Variants in ESYT2 observed in about 807,000 individuals in gnomAD.
ESYT2 encodes extended synaptotagmin 2.
A neutral mutation model predicts 107.2 loss-of-function variants in ESYT2; 54 were observed. That is an observed-to-expected ratio of 0.50 (90% CI 0.40 to 0.63). The LOEUF is 0.63. Ranked by LOEUF, ESYT2 falls within the 30% of genes least tolerant of loss-of-function variation. ESYT2 has a pLI of 0.00. For missense variants in ESYT2, 1,020 were observed against 1,094.5 expected (o/e 0.93, Z 0.96); for synonymous variants, 491 against 434.1 (o/e 1.13, Z -1.63).
At chr7:158,778,210 T>C (rs1007818751) in intron 6 of ESYT2, among the ~76,000 whole-genome samples, 1 of 152,196 alleles carries the variant, frequency 6.6e-6, no homozygotes. Flanking sequence ...TTTTTCAATG[T>C]CATTATCTTT....
At position 158,732,391 on chromosome 7, in the gene ESYT2, G is replaced by C. The variant is rs747530930; in HGVS notation, c.*1816C>G. 5.3e-5 allele frequency: 8 copies of C among 152,216 alleles called. No individual in the cohort carries two copies. The highest frequency in any genetic ancestry group is 1.0e-4 in the Non-Finnish European group (7 of 68,046). 9.4% of individuals were successfully genotyped at this position (152,216 alleles called of 1,614,324 possible). A position where few individuals can be genotyped will look rare whatever the true frequency, so the allele number is the denominator to read the frequency against. ...GTTCGTATTTGTCTATAAAGGTATT[G>C]ATACGCTTCCCAAATAATCCTATAT... On this transcript the variant is annotated 3_prime_UTR_variant, in exon 23 of 23. Coordinates refer to ENST00000275418, the MANE Select transcript of ESYT2 (RefSeq NM_001367773.1).
At position 158,731,584 on chromosome 7, in the gene ESYT2, G is replaced by C. The variant is rs1165690265; in HGVS notation, c.*2623C>G. The C allele has an allele frequency of 6.5e-6, 1 of 152,738 alleles. No homozygotes were observed. Among genetic ancestry groups the C allele is most frequent in the Non-Finnish European group, 1.5e-5 (1 of 68,140 alleles). 9.5% of individuals were successfully genotyped at this position (152,738 alleles called of 1,614,324 possible). A position where few individuals can be genotyped will look rare whatever the true frequency, so the allele number is the denominator to read the frequency against. On this transcript the variant is annotated 3_prime_UTR_variant, in exon 23 of 23. Transcript: ENST00000275418. ...GGCCTCCCAAAGTGCTGGGATTACA[G>C]GCGTGAGCCACCGCACCCGGCCAGC...
intron 6 of ESYT2, among the ~76,000 whole-genome samples, chr7:158,781,707 G>C (rs1402708389): frequency 6.6e-6 from 1 of 151,736 alleles, no homozygotes; most frequent in African/African-American, 2.4e-5. Flanking sequence ...AGAGGTGGGA[G>C]TGTAAGAACG....
At chr7:158,740,878 T>C (rs1342695829) in intron 18 of ESYT2, among the ~76,000 whole-genome samples, 1 of 152,188 alleles carries the variant, frequency 6.6e-6, no homozygotes, top group Non-Finnish European at 1.5e-5. Flanking sequence ...TTTCTTATTA[T>C]TCAACACACC....
chr7:158,765,146 A>C (rs554907046), intron 8 of ESYT2, among the ~76,000 whole-genome samples: 85 of 152,174 alleles, frequency 5.6e-4, no homozygotes, highest in African/African-American at 2.0e-3. Flanking sequence ...GAGGACAGAC[A>C]GCCCCACGCA....
chr7:158,748,173 T>TA (rs779029321), intron 16 of ESYT2, 21 bp downstream of exon 16: 2 of 1,610,138 alleles, frequency 1.2e-6, no homozygotes, highest in Non-Finnish European at 1.7e-6. Context: ...ATAAATTGGT[T>TA]AAAAAATGCA....
intron 20 of ESYT2, 44 bp from the exon 21 acceptor site, chr7:158,735,652 G>A (rs1031749584): frequency 2.0e-6 from 3 of 1,520,866 alleles, no homozygotes; most frequent in Non-Finnish European, 2.7e-6. Context: ...TCATTCTGCT[G>A]TATTTTCTTA....
intron 13 of ESYT2, among the ~76,000 whole-genome samples, chr7:158,755,101 G>A (rs924397021): frequency 3.9e-5 from 6 of 152,162 alleles, no homozygotes; most frequent in African/African-American, 1.4e-4. Context: ...TCCAGCCTAC[G>A]AAAAATTCCT....
At chr7:158,748,124 TCAG>T in intron 16 of ESYT2, 67 bp downstream of exon 16, 1 of 1,447,604 alleles carries the variant, frequency 6.9e-7, no homozygotes, top group South Asian at 1.2e-5. Context: ...GGGTCACAAC[TCAG>T]CAAATTGTAT....
intron 4 of ESYT2, among the ~76,000 whole-genome samples, chr7:158,789,179 A>G (rs895892847): frequency 6.6e-6 from 1 of 152,188 alleles, no homozygotes; most frequent in African/African-American, 2.4e-5. Context: ...TAAGCAAAAT[A>G]GTAACAAAAG....
At chr7:158,747,797 T>C (rs1389461445) in intron 16 of ESYT2, among the ~76,000 whole-genome samples, 1 of 152,154 alleles carries the variant, frequency 6.6e-6, no homozygotes, top group Non-Finnish European at 1.5e-5. Context: ...AACCCAATCT[T>C]TTATCAATGT....
intron 13 of ESYT2, among the ~76,000 whole-genome samples, chr7:158,758,066 G>A (rs1837829364): frequency 7.8e-6 from 1 of 127,454 alleles, no homozygotes; most frequent in African/African-American, 3.1e-5. Context: ...CTTTAGACTG[G>A]AAGACTGATC....
At chr7:158,767,585 T>C (rs931797945) in intron 8 of ESYT2, 69 bp downstream of exon 8, 93 of 1,565,738 alleles carry the variant, frequency 5.9e-5, no homozygotes, top group Non-Finnish European at 8.0e-5. Flanking sequence ...CAGCACCCAA[T>C]GCCACACCCG....
chr7:158,797,896 A>G (rs1377992389), intron 3 of ESYT2, 46 bp downstream of exon 3: 1 of 1,575,004 alleles, frequency 6.3e-7, no homozygotes, highest in African/African-American at 1.4e-5. Context: ...GTGTTTTCAC[A>G]GCAATCTGAC....
Position 158,829,110 on chromosome 7 carries a change from G to A in ESYT2, c.309C>T (p.Arg103=). ...DEERVVRLGV[R]ACDLPAWVHF... ...TCACCCAGGCGGGCAGGTCGCAGGC[G>A]CGCACCCCCAGGCGCACGACGCGCT... Residue 103 remains arginine, a synonymous_variant, in exon 1 of 23, where the codon CGC becomes CGT. Transcript: ENST00000275418. 6.3e-7 allele frequency: 1 copy of A among 1,581,302 alleles called. No homozygotes were observed. The highest frequency in any genetic ancestry group is 8.5e-7 in the Non-Finnish European group (1 of 1,172,744).
chr7:158,802,686 A>G (rs759850805), intron 1 of ESYT2, among the ~76,000 whole-genome samples: 1 of 152,264 alleles, frequency 6.6e-6, no homozygotes, highest in Non-Finnish European at 1.5e-5. Context: ...TGAAACATGC[A>G]GTATCAATTC....
chr7:158,798,159 CA>C, intron 2 of ESYT2, 83 bp from the exon 3 acceptor site: 1 of 1,419,104 alleles, frequency 7.0e-7, no homozygotes, highest in East Asian at 2.3e-5. Context: ...ACCCTCGCAA[CA>C]GACCAAACCT....
intron 6 of ESYT2, among the ~76,000 whole-genome samples, chr7:158,785,426 A>T (rs531157052): frequency 6.9e-6 from 1 of 143,956 alleles, no homozygotes; most frequent in African/African-American, 2.6e-5. Flanking sequence ...ACTCCGTCTC[A>T]AAATAAATAA....
In ESYT2 at chr7:158,829,391, C is replaced by A; in HGVS notation, c.28G>T (p.Glu10Ter). MSGARGEGP[E>*]AGAGGAGGRA... ...CCCCCAGCCCCGCCGGCGCCCGCCT[C>A]CGGGCCCTCGCCCCGGGCGCCGCTC... Residue 10 changes from glutamate (E) to a stop codon, truncating the protein, a stop_gained, in exon 1 of 23, where the codon GAG becomes TAG. Coordinates refer to ENST00000275418, the MANE Select transcript of ESYT2 (RefSeq NM_001367773.1). LOFTEE classifies it high-confidence loss of function. 8.1e-7 allele frequency: 1 copy of A among 1,228,306 alleles called. No individual in the cohort carries two copies. Among genetic ancestry groups the A allele is most frequent in the South Asian group, 3.5e-5 (1 of 28,378 alleles). 76.1% of individuals were successfully genotyped at this position (1,228,306 alleles called of 1,614,324 possible).
Sources: gnomAD v4.1 joint callset for allele counts (sites outside exome capture counted in the v4.1 genomes callset) on GRCh38, gnomAD v4.1.1 for gene constraint, MANE v1.5 for transcripts, NCBI Gene and HGNC (gene_info 2026-07-23, HGNC 2026-07-21) for gene names.